EPHA5: variants seen among roughly 807,000 people sequenced by gnomAD.
The protein encoded by EPHA5 is EPH receptor A5.
In EPHA5, 60 loss-of-function variants were observed where a neutral mutation model predicts 105.0. That is an observed-to-expected ratio of 0.57 (90% CI 0.46 to 0.71). EPHA5 has a LOEUF of 0.71. EPHA5 is among the 30% of genes least tolerant of loss of function. The pLI, the probability that EPHA5 is intolerant of heterozygous loss-of-function variation, is 0.00. For missense variants in EPHA5, 1,218 were observed against 1,274.7 expected, an observed-to-expected ratio of 0.96 and a Z score of 0.68; for synonymous variants, 513 against 449.1, an observed-to-expected ratio of 1.14 and a Z score of -1.80.
intron 3 of EPHA5, among the ~76,000 whole-genome samples, chr4:65,549,858 T>C (rs1331639738): frequency 6.6e-6 from 1 of 152,042 alleles, no homozygotes; most frequent in Non-Finnish European, 1.5e-5. Flanking sequence ...AAAGTAAAAT[T>C]AAAACAAGTT....
intron 5 of EPHA5, among the ~76,000 whole-genome samples, chr4:65,487,593 A>G (rs80342932): frequency 0.14 from 21,331 of 152,118 alleles, 1,857 homozygotes; most frequent in Middle Eastern, 0.26. Context: ...CTGGCATCAT[A>G]CAGAACACTT....
intron 2 of EPHA5, among the ~76,000 whole-genome samples, chr4:65,620,310 C>A (rs1164834699): frequency 6.6e-6 from 1 of 151,972 alleles, no homozygotes; most frequent in Non-Finnish European, 1.5e-5. Flanking sequence ...GATCTGCCAG[C>A]TTCACTTCAG....
intron 5 of EPHA5, among the ~76,000 whole-genome samples, chr4:65,486,947 A>C (rs1730939675): frequency 6.6e-6 from 1 of 152,170 alleles, no homozygotes; most frequent in Non-Finnish European, 1.5e-5. Context: ...CTCATGATAG[A>C]GAGCAAGTTC....
intron 3 of EPHA5, among the ~76,000 whole-genome samples, chr4:65,584,860 A>G (rs1463602925): frequency 1.3e-5 from 2 of 152,022 alleles, no homozygotes; most frequent in East Asian, 3.8e-4. Flanking sequence ...TGTCACTCAT[A>G]TAATTATTAC....
At chr4:65,481,962 A>G (rs577695116) in intron 5 of EPHA5, among the ~76,000 whole-genome samples, 63 of 152,290 alleles carry the variant, frequency 4.1e-4, no homozygotes, top group Admixed American at 3.9e-4. Context: ...GAATTCAATG[A>G]CCTACTGAAA....
intron 3 of EPHA5, among the ~76,000 whole-genome samples, chr4:65,553,878 C>T (rs1328110817): frequency 6.6e-6 from 1 of 151,908 alleles, no homozygotes; most frequent in Non-Finnish European, 1.5e-5. Context: ...GGCAATGAGC[C>T]GCATCCTAAT....
chr4:65,591,974 T>C (rs1742708593), intron 3 of EPHA5, among the ~76,000 whole-genome samples: 1 of 152,086 alleles, frequency 6.6e-6, no homozygotes, highest in African/African-American at 2.4e-5. Flanking sequence ...ATTGGGAAGG[T>C]TCAAGTAATT....
At chr4:65,361,095 A>G (rs903737797) in intron 11 of EPHA5, among the ~76,000 whole-genome samples, 2 of 151,692 alleles carry the variant, frequency 1.3e-5, no homozygotes, top group Non-Finnish European at 3.0e-5. Flanking sequence ...TGAGCAAAAC[A>G]AAAACCTCTG....
In EPHA5 at chr4:65,322,710, CT is replaced by C; in HGVS notation, c.*1403del. 1 of 225,804 alleles carries C rather than the reference CT, an allele frequency of 4.4e-6. No homozygotes were observed. The highest frequency in any genetic ancestry group is 8.8e-6 in the Non-Finnish European group (1 of 113,394). 14.0% of individuals were successfully genotyped at this position (225,804 alleles called of 1,614,324 possible). A position where few individuals can be genotyped will look rare whatever the true frequency, so the allele number is the denominator to read the frequency against. ...CCTTGGATTGGTTCAATAAAATAAACTCAAAGCCATGTAACTGAATACAAAC... is the reference window on the plus strand; with the variant it reads ...CCTTGGATTGGTTCAATAAAATAAACCAAAGCCATGTAACTGAATACAAAC... On this transcript the variant is annotated 3_prime_UTR_variant, in exon 17 of 17. Coordinates refer to ENST00000613740, the MANE Select transcript of EPHA5 (RefSeq NM_001281766.3).
intron 15 of EPHA5, among the ~76,000 whole-genome samples, chr4:65,333,564 T>A (rs1459269542): frequency 8.4e-5 from 10 of 119,590 alleles, no homozygotes; most frequent in Middle Eastern, 8.0e-3. Flanking sequence ...TGTGTGTGTG[T>A]GTGTGTGTGT....
intron 8 of EPHA5, among the ~76,000 whole-genome samples, chr4:65,390,925 T>C (rs1720653553): frequency 6.6e-6 from 1 of 152,026 alleles, no homozygotes; most frequent in East Asian, 1.9e-4. Context: ...TTCATACTGC[T>C]ATAAAGAACT....
At chr4:65,522,592 G>C (rs552263684) in intron 3 of EPHA5, among the ~76,000 whole-genome samples, 3 of 151,962 alleles carry the variant, frequency 2.0e-5, no homozygotes, top group African/African-American at 7.2e-5. Context: ...GTGTCACCCA[G>C]CTCATACAAT....
chr4:65,435,708 TA>T (rs1421395270), intron 5 of EPHA5, among the ~76,000 whole-genome samples: 2 of 152,004 alleles, frequency 1.3e-5, no homozygotes, highest in African/African-American at 4.8e-5. Flanking sequence ...ATCTTAGCAT[TA>T]GGGGTAAAGA....
chr4:65,399,291 C>A (rs529378408), intron 8 of EPHA5, among the ~76,000 whole-genome samples: 1 of 152,344 alleles, frequency 6.6e-6, no homozygotes, highest in East Asian at 1.9e-4. Context: ...CAGCAGGAAG[C>A]GTGCCAGGCT....
intron 5 of EPHA5, among the ~76,000 whole-genome samples, chr4:65,467,443 G>A (rs528274944): frequency 6.6e-6 from 1 of 152,226 alleles, no homozygotes; most frequent in South Asian, 2.1e-4. Flanking sequence ...CTGATCTTTT[G>A]ACTAATTACA....
intron 5 of EPHA5, among the ~76,000 whole-genome samples, chr4:65,427,822 T>G (rs1479333736): frequency 2.0e-5 from 3 of 152,184 alleles, no homozygotes; most frequent in Admixed American, 1.3e-4. Context: ...ATGTCTGTCT[T>G]TCAGTATCTA....
chr4:65,493,248 G>C (rs558617813), intron 4 of EPHA5, among the ~76,000 whole-genome samples: 1 of 152,138 alleles, frequency 6.6e-6, no homozygotes, highest in East Asian at 1.9e-4. Context: ...CCCAATCATA[G>C]ATATGATGCG....
chr4:65,519,722 A>G (rs1734485439), intron 3 of EPHA5, among the ~76,000 whole-genome samples: 1 of 152,170 alleles, frequency 6.6e-6, no homozygotes, highest in African/African-American at 2.4e-5. Context: ...AAGCATTCTT[A>G]TACAGCAATA....
intron 14 of EPHA5, among the ~76,000 whole-genome samples, chr4:65,338,471 C>CTT (rs550204699): frequency 6.6e-6 from 1 of 150,624 alleles, no homozygotes; most frequent in Non-Finnish European, 1.5e-5. Context: ...CTTTAGCACC[C>CTT]TTTTTTTTTC....
Sources: allele counts gnomAD v4.1 joint callset (sites outside exome capture counted in the v4.1 genomes callset), GRCh38; gene constraint gnomAD v4.1.1; transcripts MANE v1.5; gene names NCBI Gene and HGNC (gene_info 2026-07-23, HGNC 2026-07-21).